FBN2: variants seen among roughly 807,000 people sequenced by gnomAD.
FBN2 encodes fibrillin 2, also known as fibrillin-2.
In FBN2, 105 loss-of-function variants were observed where a neutral mutation model predicts 355.6. That is an observed-to-expected ratio of 0.30 (90% CI 0.25 to 0.35). The LOEUF is 0.35. FBN2 is among the 10% of genes least tolerant of loss of function. FBN2 has a pLI of 1.00. For missense variants in FBN2, 3,280 were observed against 3,758.7 expected (o/e 0.87, Z 3.33); for synonymous variants, 1,350 against 1,301.2 (o/e 1.04, Z -0.81).
Position 128,392,994 on chromosome 5 carries a change from C to G in FBN2, c.1465+141G>C, listed in dbSNP as rs186744463. On this transcript the variant is annotated intron_variant, in intron 10 of 64. Transcript: ENST00000262464. ...TTGAAACACTTTTCCCTCTGTCTCT[C>G]TCTCTCTCGCACCCACAAACACACA... is the stretch of plus-strand genomic sequence containing the variant. 19 of 734,956 alleles carry G rather than the reference C, an allele frequency of 2.6e-5. No homozygotes were observed. The African/African-American group carries it at 3.2e-4, about 12-fold the overall frequency. The allele number at this position is 734,956 out of a possible 1,614,324, so 45.5% of individuals were successfully genotyped here.
At chr5:128,340,818 CCTCTCT>C (rs752335442) in intron 25 of FBN2, among the ~76,000 whole-genome samples, 1 of 150,272 alleles carries the variant, frequency 6.7e-6, no homozygotes, top group East Asian at 2.0e-4. Context: ...TCTCTCTCTC[CCTCTCT>C]CTCTCTCTCT....
intron 60 of FBN2, 121 bp from the exon 61 acceptor site, chr5:128,274,089 G>A: frequency 2.6e-6 from 3 of 1,138,668 alleles, no homozygotes; most frequent in Admixed American, 1.9e-5. Context: ...TGGCATTTTG[G>A]GAAAATTTAT....
At chr5:128,387,133 T>C (rs2126970592) in intron 11 of FBN2, among the ~76,000 whole-genome samples, 1 of 152,296 alleles carries the variant, frequency 6.6e-6, no homozygotes, top group Non-Finnish European at 1.5e-5. Context: ...ATTTTTGGTC[T>C]GTTCAGGGAT....
At chr5:128,363,017 C>T (rs1369725404) in intron 18 of FBN2, among the ~76,000 whole-genome samples, 1 of 152,040 alleles carries the variant, frequency 6.6e-6, no homozygotes, top group African/African-American at 2.4e-5. Flanking sequence ...CTTTCTTGAT[C>T]TTGTTTTTGC....
intron 5 of FBN2, among the ~76,000 whole-genome samples, chr5:128,491,623 A>C (rs1366647595): frequency 1.3e-5 from 2 of 152,214 alleles, no homozygotes; most frequent in African/African-American, 4.8e-5. Flanking sequence ...TCTTTAATAG[A>C]ATTAACTTTA....
At chr5:128,273,726 T>C (rs1025372546) in intron 61 of FBN2, 114 bp downstream of exon 61, 1 of 1,096,866 alleles carries the variant, frequency 9.1e-7, no homozygotes, top group African/African-American at 1.6e-5. Context: ...CTGGGTCCTA[T>C]TTTGTTCAAT....
intron 19 of FBN2, among the ~76,000 whole-genome samples, chr5:128,360,571 T>C (rs1287331188): frequency 2.0e-5 from 3 of 152,042 alleles, no homozygotes; most frequent in Non-Finnish European, 2.9e-5. Flanking sequence ...CTTTTTTTTT[T>C]CTTTAGGCTA....
chr5:128,453,166 T>C (rs933523920), intron 6 of FBN2, among the ~76,000 whole-genome samples: 2 of 152,166 alleles, frequency 1.3e-5, no homozygotes, highest in African/African-American at 4.8e-5. Context: ...AAAACAAGTA[T>C]ATATTGGTAA....
intron 25 of FBN2, among the ~76,000 whole-genome samples, chr5:128,342,691 TTC>T (rs1751057833): frequency 1.3e-5 from 2 of 151,712 alleles, no homozygotes; most frequent in Admixed American, 1.3e-4. Context: ...TCACACCTCA[TTC>T]TCTGTCACCG....
chr5:128,370,711 T>C (rs1426274011), intron 15 of FBN2, among the ~76,000 whole-genome samples: 1 of 152,038 alleles, frequency 6.6e-6, no homozygotes, highest in African/African-American at 2.4e-5. Flanking sequence ...TATTTCTGCT[T>C]TTGGGTTTAG....
At chr5:128,513,975 G>C (rs1756205215) in intron 5 of FBN2, among the ~76,000 whole-genome samples, 1 of 152,132 alleles carries the variant, frequency 6.6e-6, no homozygotes, top group Non-Finnish European at 1.5e-5. Context: ...TTAGCTTAGA[G>C]AGTGCAAGGT....
chr5:128,320,021 G>T (rs1750325931), intron 34 of FBN2, among the ~76,000 whole-genome samples: 1 of 152,038 alleles, frequency 6.6e-6, no homozygotes, highest in Non-Finnish European at 1.5e-5. Flanking sequence ...TAAAATATTG[G>T]TTTCAACTAT....
intron 36 of FBN2, among the ~76,000 whole-genome samples, chr5:128,316,528 A>T (rs905162845): frequency 1.3e-5 from 2 of 152,192 alleles, no homozygotes; most frequent in Non-Finnish European, 2.9e-5. Context: ...AAAGAAACTC[A>T]TAAACTAAAA....
chr5:128,300,161 T>C (rs1409211489), intron 48 of FBN2, among the ~76,000 whole-genome samples: 1 of 152,200 alleles, frequency 6.6e-6, no homozygotes, highest in Non-Finnish European at 1.5e-5. Flanking sequence ...TCTTTTCACG[T>C]TAGAAAAACC....
At chr5:128,270,416 C>A (rs1765237850) in intron 62 of FBN2, among the ~76,000 whole-genome samples, 1 of 152,124 alleles carries the variant, frequency 6.6e-6, no homozygotes, top group Non-Finnish European at 1.5e-5. Flanking sequence ...GTAATCCCAG[C>A]TACTCAGGAG....
rs765057642 is a variant in FBN2, at chr5:128,258,216, T to C, written c.*1239A>G. 1 of 152,608 alleles carries C rather than the reference T, an allele frequency of 6.6e-6. No homozygotes were observed. Among genetic ancestry groups the C allele is most frequent in the Non-Finnish European group, 1.5e-5 (1 of 68,038 alleles). 9.5% of individuals were successfully genotyped at this position (152,608 alleles called of 1,614,324 possible). ...CAGGTTCTTGGGTTGAGAAGAATAA[T>C]GGATACGTGCTCTTAATAGCACATC... On this transcript the variant is annotated 3_prime_UTR_variant, in exon 65 of 65. Transcript: ENST00000262464.
chr5:128,330,690 C>T lies in FBN2; in HGVS notation c.4228G>A (p.Asp1410Asn), dbSNP rs1478574969. ...TGGTGGGTTCCATTAGAACATTCGT[C>T]CAGATCTGCAGAACACAGCAATAAA... is the stretch of plus-strand genomic sequence containing the variant. ...IGNGIKCIDL[D>N]ECSNGTHQCS... The change falls in exon 33 of 65, where the codon GAC (aspartate) becomes AAC (asparagine). Residue 1410 changes from aspartate (D) to asparagine (N), a missense_variant. This residue lies in a region of FBN2 where 2,284 missense variants were observed against 2,749.5 expected (regional missense o/e 0.83). Coordinates refer to ENST00000262464, the MANE Select transcript of FBN2 (RefSeq NM_001999.4). The T allele has an allele frequency of 6.2e-7, 1 of 1,613,898 alleles. No individual in the cohort carries two copies. The highest frequency in any genetic ancestry group is 2.2e-5 in the East Asian group (1 of 44,870).
In FBN2 at chr5:128,392,602, C is replaced by T. The variant is rs1269503430; in HGVS notation, c.1466-447G>A. The stretch of plus-strand genomic sequence containing the variant: ...ACAAATGCCAACTCTGGTCTGAAGC[C>T]CACGGTTTTCAATTTCTTAAGCAAT... On this transcript the variant is annotated intron_variant, in intron 10 of 64. Transcript: ENST00000262464. Among the ~76,000 whole-genome samples the T allele has an allele frequency of 3.9e-5, 6 of 152,170 alleles. No individual in the cohort carries two copies. In the East Asian group the frequency reaches 5.8e-4, roughly 15 times the overall value.
chr5:128,383,273 G>C (rs1429804969), intron 11 of FBN2, among the ~76,000 whole-genome samples: 3 of 151,916 alleles, frequency 2.0e-5, no homozygotes. Context: ...AACAAAGGGT[G>C]ATGGTTATTA....
Sources: allele counts gnomAD v4.1 joint callset (sites outside exome capture counted in the v4.1 genomes callset), GRCh38; gene constraint gnomAD v4.1.1; regional missense constraint gnomAD v4.1.1; transcripts MANE v1.5; gene names NCBI Gene and HGNC (gene_info 2026-07-23, HGNC 2026-07-21).